Variants in CSMD1 observed in about 807,000 individuals in gnomAD.
CSMD1 encodes the protein CUB and Sushi multiple domains 1, also known as CUB and sushi domain-containing protein 1.
A neutral mutation model predicts 417.5 loss-of-function variants in CSMD1; 213 were observed. The ratio of observed to expected loss-of-function variants is 0.51; its 90% CI spans 0.46 to 0.57. The LOEUF (loss-of-function observed/expected upper bound fraction) is 0.57, where lower values mean the gene tolerates loss of function less well. CSMD1 is among the 20% of genes least tolerant of loss of function. The pLI is 0.00. For synonymous variants in CSMD1, 2,862 were observed against 1,736.8 expected (o/e 1.65, Z -16.11); for missense variants, 6,923 against 4,529.7 (o/e 1.53, Z -15.17).
intron 1 of CSMD1, among the ~76,000 whole-genome samples, chr8:4,960,997 T>C (rs1272008450): frequency 1.3e-5 from 2 of 152,092 alleles, no homozygotes; most frequent in East Asian, 1.9e-4. Context: ...CCTAACATCA[T>C]AGATGAGCAT....
intron 10 of CSMD1, among the ~76,000 whole-genome samples, chr8:3,547,218 C>T (rs541064122): frequency 2.0e-5 from 3 of 152,270 alleles, no homozygotes; most frequent in South Asian, 4.1e-4. Context: ...TTGACTTCGG[C>T]CTTAAATAAG....
intron 25 of CSMD1, among the ~76,000 whole-genome samples, chr8:3,304,012 A>G (rs1342652407): frequency 6.6e-6 from 1 of 152,170 alleles, no homozygotes; most frequent in African/African-American, 2.4e-5. Context: ...CTATATAAGC[A>G]GAAGTTGCTC....
At chr8:3,265,751 A>C (rs949856765) in intron 26 of CSMD1, among the ~76,000 whole-genome samples, 1 of 152,144 alleles carries the variant, frequency 6.6e-6, no homozygotes, top group Non-Finnish European at 1.5e-5. Flanking sequence ...TCCTTCTGCC[A>C]GCATGGCCTT....
At chr8:4,482,487 G>T (rs920150013) in intron 2 of CSMD1, among the ~76,000 whole-genome samples, 24 of 152,114 alleles carry the variant, frequency 1.6e-4, no homozygotes, top group Non-Finnish European at 5.9e-5. Flanking sequence ...TCTCTACCCA[G>T]TCTATTATTG....
chr8:3,979,697 G>C (rs577458404), intron 5 of CSMD1, among the ~76,000 whole-genome samples: 15 of 152,306 alleles, frequency 9.8e-5, no homozygotes, highest in African/African-American at 3.6e-4. Flanking sequence ...AGGACGCAAT[G>C]CGTACCCAGA....
At chr8:4,761,308 C>G (rs570524375) in intron 1 of CSMD1, among the ~76,000 whole-genome samples, 3 of 151,672 alleles carry the variant, frequency 2.0e-5, no homozygotes, top group African/African-American at 7.3e-5. Context: ...TTTTGAACAA[C>G]TAATGGAAAC....
intron 7 of CSMD1, among the ~76,000 whole-genome samples, chr8:3,640,833 C>T (rs905216192): frequency 6.6e-6 from 1 of 151,968 alleles, no homozygotes; most frequent in African/African-American, 2.4e-5. Context: ...GGGCCTTAGT[C>T]CATGGAATCT....
At chr8:4,626,074 T>A (rs953399447) in intron 2 of CSMD1, among the ~76,000 whole-genome samples, 2 of 152,076 alleles carry the variant, frequency 1.3e-5, no homozygotes, top group Non-Finnish European at 2.9e-5. Flanking sequence ...AGAACTGACA[T>A]TACAATTGGA....
chr8:4,486,569 C>G lies in CSMD1; in HGVS notation c.303-66504G>C, dbSNP rs115718258. Among the ~76,000 whole-genome samples the G allele has an allele frequency of 5.6e-3, 845 of 152,006 alleles. 8 individuals are homozygous for G. Among genetic ancestry groups the G allele is most frequent in the African/African-American group, 0.019 (788 of 41,456 alleles). ...TGAAGTAAGCATAACAGAAGCTTAT[C>G]AATGCATATATAAGAAGTCCATCTT... On this transcript the variant is annotated intron_variant, in intron 2 of 69. Transcript: ENST00000635120.
rs796082649 is a variant in CSMD1, at chr8:3,767,591, A to T, written c.819-13549T>A. Among the ~76,000 whole-genome samples the T allele has an allele frequency of 9.9e-5, 15 of 152,278 alleles. No homozygotes were observed. The South Asian group carries it at 3.1e-3, about 32-fold the overall frequency. On this transcript the variant is annotated intron_variant, in intron 5 of 69. Transcript: ENST00000635120. ...ACCTTATCCAAATACGAGTGTGTGGATCTATCTCTCAACTATGTTTTATAT... is the reference window on the plus strand; with the variant it reads ...ACCTTATCCAAATACGAGTGTGTGGTTCTATCTCTCAACTATGTTTTATAT...
chr8:4,304,663 C>T (rs1033269233), intron 3 of CSMD1, among the ~76,000 whole-genome samples: 2 of 152,126 alleles, frequency 1.3e-5, no homozygotes, highest in Non-Finnish European at 2.9e-5. Context: ...AATAATGCAC[C>T]TATCAGCAAG....
chr8:4,778,699 T>C (rs1796999939), intron 1 of CSMD1, among the ~76,000 whole-genome samples: 1 of 152,172 alleles, frequency 6.6e-6, no homozygotes, highest in South Asian at 2.1e-4. Flanking sequence ...CAATCAGAAA[T>C]ACTTTCCATG....
intron 1 of CSMD1, among the ~76,000 whole-genome samples, chr8:4,724,983 T>C (rs1809328930): frequency 6.6e-6 from 1 of 152,108 alleles, no homozygotes; most frequent in South Asian, 2.1e-4. Context: ...GCCCATAACA[T>C]TTTGGTTGAG....
chr8:4,911,779 C>T (rs902338668), intron 1 of CSMD1, among the ~76,000 whole-genome samples: 45 of 151,904 alleles, frequency 3.0e-4, no homozygotes, highest in African/African-American at 1.0e-3. Flanking sequence ...ACATAGAAGC[C>T]GCCAGATCAA....
At chr8:4,307,964 C>T (rs1055156122) in intron 3 of CSMD1, among the ~76,000 whole-genome samples, 1 of 152,070 alleles carries the variant, frequency 6.6e-6, no homozygotes, top group Non-Finnish European at 1.5e-5. Context: ...GAGAGACACA[C>T]CTGAAGAAAT....
rs184873389 is a variant in CSMD1 at position 3,046,258 on chromosome 8, G to A, written c.7660+6204C>T. Among the ~76,000 whole-genome samples the A allele has an allele frequency of 5.8e-3, 879 of 152,284 alleles. 10 individuals are homozygous for A. Among genetic ancestry groups the A allele is most frequent in the African/African-American group, 0.02 (831 of 41,536 alleles). ...CTCAGGTGGTGACCTGGGTGGTGCA[G>A]AAGTGAAGCCACGTGGACGCATGTG... On this transcript the variant is annotated intron_variant, in intron 50 of 69. Coordinates refer to ENST00000635120, the MANE Select transcript of CSMD1 (RefSeq NM_033225.6).
intron 3 of CSMD1, among the ~76,000 whole-genome samples, chr8:4,282,759 G>T (rs986303926): frequency 6.6e-6 from 1 of 152,106 alleles, no homozygotes; most frequent in African/African-American, 2.4e-5. Flanking sequence ...TGTTTAAATG[G>T]TAGTATTTTG....
intron 5 of CSMD1, among the ~76,000 whole-genome samples, chr8:3,822,957 G>A (rs553871474): frequency 1.8e-4 from 27 of 152,264 alleles, no homozygotes; most frequent in African/African-American, 6.5e-4. Flanking sequence ...AAGAAAAGTT[G>A]AATCAACTTT....
intron 26 of CSMD1, among the ~76,000 whole-genome samples, chr8:3,231,754 C>A (rs1798854110): frequency 6.6e-6 from 1 of 152,158 alleles, no homozygotes; most frequent in African/African-American, 2.4e-5. Context: ...TATAGTTGGT[C>A]AGACCTGCTT....
Sources: gnomAD v4.1 joint callset for allele counts (sites outside exome capture counted in the v4.1 genomes callset) on GRCh38, gnomAD v4.1.1 for gene constraint, MANE v1.5 for transcripts, NCBI Gene and HGNC (gene_info 2026-07-23, HGNC 2026-07-21) for gene names.